Variants in CENPE observed in about 807,000 individuals in gnomAD.
CENPE encodes the protein centromere protein E.
In CENPE, 145 loss-of-function variants were observed where a neutral mutation model predicts 336.1. That is an observed-to-expected ratio of 0.43 (90% CI 0.38 to 0.50). The LOEUF is 0.50. Ranked by LOEUF, CENPE falls within the 20% of genes least tolerant of loss-of-function variation. The probability of loss-of-function intolerance (pLI) is 0.00; values close to 1 mark genes in which losing one functional copy is unlikely to be tolerated. For missense variants in CENPE, 2,719 were observed against 3,023.3 expected (o/e 0.90, Z 2.36); for synonymous variants, 1,013 against 984.8 (o/e 1.03, Z -0.54).
chr4:103,175,914 T>C, intron 15 of CENPE, 46 bp downstream of exon 15: 1 of 1,203,728 alleles, frequency 8.3e-7, no homozygotes, highest in South Asian at 1.4e-5. Flanking sequence ...CAAAAGAATT[T>C]TAAAAAGAGT....
At chr4:103,138,578 A>G (rs546849479) in intron 38 of CENPE, 129 bp from the exon 39 acceptor site, 3 of 665,224 alleles carry the variant, frequency 4.5e-6, no homozygotes, top group South Asian at 1.8e-5. Flanking sequence ...GTCACTCAAA[A>G]GCAATGTTAA....
Position 103,180,369 on chromosome 4 carries a change from T to C in CENPE, c.1184A>G (p.Glu395Gly). The C allele has an allele frequency of 6.2e-7, 1 of 1,613,474 alleles. No homozygotes were observed. Among genetic ancestry groups the C allele is most frequent in the Non-Finnish European group, 8.5e-7 (1 of 1,179,580 alleles). Residue 395 changes from glutamate (E) to glycine (G), a missense_variant, in exon 13 of 49, where the codon GAA becomes GGA. Physicochemically the swap from Glu to Gly is moderately conservative, Grantham distance 98. This residue lies in a region of CENPE where 117 missense variants were observed against 215.8 expected (regional missense o/e 0.54). Transcript: ENST00000265148. ...LLQKVQNEKI[E>G]NLTRMLVTSS... ...GGTCACCAGCATCCGTGTTAAGTTT[T>C]CAATTTTCTCATTCTGTACTTTCTG...
In CENPE at chr4:103,159,421, T is replaced by C. The variant is rs555711642; in HGVS notation, c.2287-97A>G. The C allele has an allele frequency of 2.0e-4, 145 of 728,752 alleles. No individual in the cohort carries two copies. The African/African-American group carries it at 2.3e-3, about 12-fold the overall frequency. The allele number at this position is 728,752 out of a possible 1,614,324, so 45.1% of individuals were successfully genotyped here. A position where few individuals can be genotyped will look rare whatever the true frequency, so the allele number is the denominator to read the frequency against. The stretch of plus-strand genomic sequence containing the variant: ...GCTTTCTCTGCAAAAAGAGAAGTTA[T>C]TTACATTCAGCAAAAATTTGACTGT... On this transcript the variant is annotated intron_variant, in intron 21 of 48. Coordinates refer to ENST00000265148, the MANE Select transcript of CENPE (RefSeq NM_001813.3).
chr4:103,113,238 A>T (rs1231150304), intron 46 of CENPE, among the ~76,000 whole-genome samples: 2 of 140,832 alleles, frequency 1.4e-5, no homozygotes, highest in African/African-American at 2.6e-5. Context: ...ATGTGTATAT[A>T]TACTTATAAG....
chr4:103,174,608 T>C (rs1169328552), intron 16 of CENPE, 128 bp downstream of exon 16: 3 of 607,532 alleles, frequency 4.9e-6, no homozygotes, highest in African/African-American at 2.0e-5. Flanking sequence ...TCATGTTGTA[T>C]ACAATAAACA....
rs1756440983 is a variant in CENPE at position 103,182,857 on chromosome 4, G to A, written c.868C>T (p.Arg290Ter). The stretch of plus-strand genomic sequence containing the variant: ...CCTCCCAAGGAATTCTGGAGAATTC[G>A]TGTTAACTTGCTATCTCGATAATTT... The part of the protein sequence containing the change: ...FINYRDSKLT[R>*]ILQNSLGGNA... The change falls in exon 11 of 49, where the codon CGA becomes TGA. Residue 290 changes from arginine (R) to a stop codon, truncating the protein, a stop_gained. Coordinates refer to ENST00000265148, the MANE Select transcript of CENPE (RefSeq NM_001813.3). LOFTEE classifies it high-confidence loss of function. The A allele has an allele frequency of 1.9e-6, 3 of 1,611,954 alleles. No homozygotes were observed. Among genetic ancestry groups the A allele is most frequent in the South Asian group, 1.1e-5 (1 of 90,978 alleles).
chr4:103,186,210 C>G (rs1756754654), intron 8 of CENPE, among the ~76,000 whole-genome samples: 1 of 152,166 alleles, frequency 6.6e-6, no homozygotes, highest in Non-Finnish European at 1.5e-5. Flanking sequence ...CACTATTCCC[C>G]AAACACCCCA....
chr4:103,149,177 T>C lies in CENPE; in HGVS notation c.3628A>G (p.Lys1210Glu), dbSNP rs1312777157. 1 of 1,609,960 alleles carries C rather than the reference T, an allele frequency of 6.2e-7. No homozygotes were observed. Among genetic ancestry groups the C allele is most frequent in the Non-Finnish European group, 8.5e-7 (1 of 1,179,380 alleles). The part of the protein sequence containing the change: ...KERKVLKELQ[K>E]SFETERDHLR... ...TGGTCTCTCTCTGTTTCAAATGACTTCTGTAATTCCTTTAGAACTTTTCTT... is the reference window on the plus strand; with the variant it reads ...TGGTCTCTCTCTGTTTCAAATGACTCCTGTAATTCCTTTAGAACTTTTCTT... Residue 1210 changes from lysine (K) to glutamate (E), a missense_variant, in exon 27 of 49, where the codon AAG becomes GAG. Around this residue, in one of 5 missense-constraint regions of CENPE, gnomAD observed 2,437 missense variants for 2,513.3 expected, o/e 0.97. Transcript: ENST00000265148.
intron 39 of CENPE, 95 bp from the exon 40 acceptor site, chr4:103,136,454 T>C (rs1752076610): frequency 1.2e-6 from 1 of 803,670 alleles, no homozygotes; most frequent in Non-Finnish European, 1.9e-6. Context: ...ACTTATGCTT[T>C]AACATTTTCT....
At chr4:103,149,064 G>A in intron 27 of CENPE, 54 bp downstream of exon 27, 1 of 1,582,752 alleles carries the variant, frequency 6.3e-7, no homozygotes, top group Non-Finnish European at 8.5e-7. Flanking sequence ...CTTTCCAAGT[G>A]GCTCAGATTT....
chr4:103,188,810 G>A (rs1200700136), intron 8 of CENPE, among the ~76,000 whole-genome samples: 2 of 152,216 alleles, frequency 1.3e-5, no homozygotes, highest in African/African-American at 4.8e-5. Flanking sequence ...AACTGAAGGA[G>A]ACAGAGACAC....
intron 8 of CENPE, among the ~76,000 whole-genome samples, chr4:103,191,186 T>G (rs1025447869): frequency 5.9e-5 from 9 of 152,320 alleles, no homozygotes; most frequent in South Asian, 2.1e-4. Flanking sequence ...GGAACACTTT[T>G]ACACTGTTGG....
In CENPE at chr4:103,161,242, C is replaced by G; in HGVS notation, c.1975G>C (p.Ala659Pro). The change falls in exon 20 of 49, where the codon GCA becomes CCA. Residue 659 changes from alanine (A) to proline (P), a missense_variant. Physicochemically the swap from Ala to Pro is conservative, Grantham distance 27 (BLOSUM62 -1). Coordinates refer to ENST00000265148, the MANE Select transcript of CENPE (RefSeq NM_001813.3). ...TTTTCCATTTGCTTGTATGTAGTTG[C>G]AAGTTCTTTCTATTGAGAAAAACAT... ...LELKEKMKELATTYKQMENDI... is the reference protein window; with the variant it reads ...LELKEKMKELPTTYKQMENDI... 1 of 1,607,916 alleles carries G rather than the reference C, an allele frequency of 6.2e-7. No homozygotes were observed. Among genetic ancestry groups the G allele is most frequent in the South Asian group, 1.1e-5 (1 of 89,696 alleles).
At chr4:103,151,785 C>T (rs886235533) in intron 25 of CENPE, among the ~76,000 whole-genome samples, 7 of 152,246 alleles carry the variant, frequency 4.6e-5, no homozygotes, top group Admixed American at 2.6e-4. Flanking sequence ...TGGCAGCCAC[C>T]CTCTGCTAGC....
intron 24 of CENPE, among the ~76,000 whole-genome samples, chr4:103,154,957 A>G (rs1753849429): frequency 6.6e-6 from 1 of 152,258 alleles, no homozygotes; most frequent in South Asian, 2.1e-4. Flanking sequence ...ACAGGGGAGC[A>G]CCTGGAAATC....
chr4:103,123,589 C>G (rs964591475), intron 42 of CENPE, among the ~76,000 whole-genome samples: 2 of 152,076 alleles, frequency 1.3e-5, no homozygotes, highest in Admixed American at 6.5e-5. Context: ...AATCTTTTAT[C>G]CGTGGAATTG....
At chr4:103,118,548 A>G (rs781071199) in intron 44 of CENPE, among the ~76,000 whole-genome samples, 8 of 152,196 alleles carry the variant, frequency 5.3e-5, no homozygotes, top group Non-Finnish European at 1.2e-4. Context: ...AATCCAACTT[A>G]CCAGTTTTTT....
At chr4:103,179,069 C>T (rs932339259) in intron 13 of CENPE, among the ~76,000 whole-genome samples, 14 of 152,164 alleles carry the variant, frequency 9.2e-5, no homozygotes, top group Middle Eastern at 3.2e-3. Context: ...TTAACTCAAC[C>T]AATATTGTTA....
intron 46 of CENPE, among the ~76,000 whole-genome samples, chr4:103,111,988 A>G (rs1032109374): frequency 1.8e-4 from 27 of 151,858 alleles, no homozygotes; most frequent in African/African-American, 6.5e-4. Context: ...GTGCGTGTGC[A>G]TGTATATAAA....
Sources: allele counts gnomAD v4.1 joint callset (sites outside exome capture counted in the v4.1 genomes callset), GRCh38; gene constraint gnomAD v4.1.1; regional missense constraint gnomAD v4.1.1; transcripts MANE v1.5; gene names NCBI Gene and HGNC (gene_info 2026-07-23, HGNC 2026-07-21).